The following TBCD variants were observed in gnomAD, a reference collection of about 807,000 sequenced individuals.
TBCD encodes the protein tubulin folding cofactor D, also known as tubulin-specific chaperone D.
A neutral mutation model predicts 169.3 loss-of-function variants in TBCD; 105 were observed. That is an observed-to-expected ratio of 0.62 (90% CI 0.53 to 0.73). The LOEUF (loss-of-function observed/expected upper bound fraction) is 0.73, where lower values mean the gene tolerates loss of function less well. Among genes scored for constraint, TBCD ranks in the 30% least tolerant of loss-of-function variants. The pLI is 0.00. For missense variants in TBCD, 1,444 were observed against 1,600.1 expected, an observed-to-expected ratio of 0.90 and a Z score of 1.66; for synonymous variants, 700 against 643.9, an observed-to-expected ratio of 1.09 and a Z score of -1.32.
intron 23 of TBCD, among the ~76,000 whole-genome samples, chr17:82,916,515 T>G (rs1483634232): frequency 2.9e-5 from 3 of 104,940 alleles, no homozygotes; most frequent in African/African-American, 1.2e-4. Flanking sequence ...AAAGGTGCTG[T>G]TTTTTTTTTT....
At chr17:82,873,526 A>C (rs376804916) in intron 14 of TBCD, among the ~76,000 whole-genome samples, 1 of 152,308 alleles carries the variant, frequency 6.6e-6, no homozygotes, top group African/African-American at 2.4e-5. Context: ...CGAACAAATC[A>C]AGTCCCCGCT....
chr17:82,887,390 G>T (rs2146324370), intron 15 of TBCD, among the ~76,000 whole-genome samples: 1 of 152,248 alleles, frequency 6.6e-6, no homozygotes, highest in South Asian at 2.1e-4. Context: ...CGAGAATGCT[G>T]TGTAAATGGA....
chr17:82,861,668 G>A (rs1296665512), intron 13 of TBCD, among the ~76,000 whole-genome samples: 1 of 152,208 alleles, frequency 6.6e-6, no homozygotes, highest in African/African-American at 2.4e-5. Flanking sequence ...TCCCTCTAAA[G>A]ATGTGGGAGT....
At chr17:82,850,357 C>CTGTTGTTGGCTGTG (rs2055659164) in intron 13 of TBCD, among the ~76,000 whole-genome samples, 2 of 84,022 alleles carry the variant, frequency 2.4e-5, no homozygotes, top group African/African-American at 9.9e-5. Context: ...TGTTGGCTGT[C>CTGTTGTTGGCTGTG]CTGTTGTTGG....
At position 82,929,285 on chromosome 17, in the gene TBCD, G is replaced by C. The variant is rs376589063; in HGVS notation, c.2852+14G>C. 4 of 1,612,566 alleles carry C rather than the reference G, an allele frequency of 2.5e-6. No individual in the cohort carries two copies. The African/African-American group carries it at 4.0e-5, about 16-fold the overall frequency. ...GCTGTTTCCCAGGTACTGTCGGGGT[G>C]TAGGCCCCCCGTGCTGGCCCCGCAG... On this transcript the variant is annotated intron_variant, in intron 31 of 38. Transcript: ENST00000355528.
At chr17:82,821,024 C>T (rs570522697) in intron 13 of TBCD, among the ~76,000 whole-genome samples, 6 of 152,274 alleles carry the variant, frequency 3.9e-5, no homozygotes, top group African/African-American at 1.2e-4. Flanking sequence ...GGTGGTATCA[C>T]GGCTTACTGC....
intron 14 of TBCD, among the ~76,000 whole-genome samples, chr17:82,873,534 G>A (rs559094541): frequency 3.3e-5 from 5 of 152,324 alleles, no homozygotes; most frequent in African/African-American, 7.2e-5. Flanking sequence ...TCAAGTCCCC[G>A]CTACTGGACG....
At chr17:82,894,299 G>A (rs2059339858) in intron 17 of TBCD, among the ~76,000 whole-genome samples, 1 of 152,170 alleles carries the variant, frequency 6.6e-6, no homozygotes, top group South Asian at 2.1e-4. Flanking sequence ...CAGCAGAAAT[G>A]TGAAAAAGGG....
chr17:82,846,881 GGT>G (rs1236350536), intron 13 of TBCD, among the ~76,000 whole-genome samples: 4 of 151,602 alleles, frequency 2.6e-5, no homozygotes, highest in Non-Finnish European at 5.9e-5. Context: ...CCGGGCCTCG[GGT>G]GTCTGGTCTC....
intron 1 of TBCD, 43 bp downstream of exon 1, chr17:82,752,420 G>C: frequency 8.4e-7 from 1 of 1,193,676 alleles, no homozygotes; most frequent in Non-Finnish European, 1.0e-6. Context: ...CCCCGGCCCG[G>C]GTTCGGCGCG....
At chr17:82,830,045 A>G in intron 13 of TBCD, 2 of 1,563,248 alleles carry the variant, frequency 1.3e-6, no homozygotes, top group South Asian at 1.1e-5. Flanking sequence ...CTGCATTTGT[A>G]AAAATGTGAA....
intron 22 of TBCD, among the ~76,000 whole-genome samples, chr17:82,910,572 CT>C (rs773777041): frequency 5.7e-4 from 83 of 145,992 alleles, no homozygotes; most frequent in Admixed American, 6.1e-4. Flanking sequence ...CTCTTAGTGA[CT>C]TTTTTTTTTT....
intron 21 of TBCD, among the ~76,000 whole-genome samples, chr17:82,908,613 T>C (rs2060409889): frequency 6.6e-6 from 1 of 152,260 alleles, no homozygotes; most frequent in Non-Finnish European, 1.5e-5. Flanking sequence ...AGCCATTTTG[T>C]TTGCTTACAT....
chr17:82,907,874 C>T, intron 21 of TBCD, 53 bp downstream of exon 21: 1 of 1,577,608 alleles, frequency 6.3e-7, no homozygotes, highest in Non-Finnish European at 8.6e-7. Context: ...GGACCTGCCC[C>T]CTTAGGGCCT....
At chr17:82,906,826 C>T (rs1368345721) in intron 20 of TBCD, among the ~76,000 whole-genome samples, 3 of 152,234 alleles carry the variant, frequency 2.0e-5, no homozygotes, top group Non-Finnish European at 2.9e-5. Flanking sequence ...CCTTCAGGGA[C>T]GCTCGCTCGT....
At chr17:82,860,401 G>C in intron 13 of TBCD, 3 of 985,540 alleles carry the variant, frequency 3.0e-6, no homozygotes, top group Non-Finnish European at 3.6e-6. Context: ...CTGCTCGGGT[G>C]GCAGTGAGCG....
intron 17 of TBCD, among the ~76,000 whole-genome samples, chr17:82,894,954 G>C (rs1402087931): frequency 2.0e-5 from 3 of 152,242 alleles, no homozygotes; most frequent in Non-Finnish European, 4.4e-5. Context: ...TCCAGCCTGG[G>C]TGACAGAGTG....
chr17:82,906,271 C>T (rs2060243920), intron 20 of TBCD, among the ~76,000 whole-genome samples: 1 of 152,230 alleles, frequency 6.6e-6, no homozygotes. Context: ...ACCTCTTCAG[C>T]GGGGCGGGTG....
intron 15 of TBCD, among the ~76,000 whole-genome samples, chr17:82,888,579 G>T (rs1443363613): frequency 6.6e-6 from 1 of 152,202 alleles, no homozygotes; most frequent in Non-Finnish European, 1.5e-5. Context: ...CTGCTGTGAA[G>T]CGCCTGTTTC....
Sources: gnomAD v4.1 joint callset for allele counts (sites outside exome capture counted in the v4.1 genomes callset) on GRCh38, gnomAD v4.1.1 for gene constraint, MANE v1.5 for transcripts, NCBI Gene and HGNC (gene_info 2026-07-23, HGNC 2026-07-21) for gene names.